Variants in THSD7B observed in about 807,000 individuals in gnomAD.
The protein encoded by THSD7B is thrombospondin type-1 domain-containing protein 7B.
A neutral mutation model predicts 213.6 loss-of-function variants in THSD7B; 138 were observed. The observed-to-expected ratio is 0.65, with a 90% CI of 0.56 to 0.74. The LOEUF (loss-of-function observed/expected upper bound fraction) is 0.74, where lower values mean the gene tolerates loss of function less well. Among genes scored for constraint, THSD7B ranks in the 30% least tolerant of loss-of-function variants. THSD7B has a pLI of 0.00. For missense variants in THSD7B, 1,931 were observed against 1,991.5 expected, an observed-to-expected ratio of 0.97 and a Z score of 0.58; for synonymous variants, 742 against 687.0, an observed-to-expected ratio of 1.08 and a Z score of -1.25.
chr2:137,438,469 C>A (rs1051364851), intron 14 of THSD7B, among the ~76,000 whole-genome samples: 1 of 152,104 alleles, frequency 6.6e-6, no homozygotes, highest in African/African-American at 2.4e-5. Context: ...GTCAGCTGTA[C>A]TGTCTCTGTC....
chr2:137,661,089 T>C (rs1280287789), intron 25 of THSD7B, among the ~76,000 whole-genome samples: 1 of 152,124 alleles, frequency 6.6e-6, no homozygotes, highest in Non-Finnish European at 1.5e-5. Context: ...TAGCTTTAGG[T>C]AAGGAGCCAT....
intron 17 of THSD7B, among the ~76,000 whole-genome samples, chr2:137,602,031 T>A: frequency 6.6e-6 from 1 of 152,238 alleles, no homozygotes; most frequent in East Asian, 1.9e-4. Flanking sequence ...GCCTGCTCCC[T>A]CTCACATTTA....
intron 3 of THSD7B, among the ~76,000 whole-genome samples, chr2:137,078,699 A>G (rs1454761128): frequency 6.6e-6 from 1 of 151,864 alleles, no homozygotes; most frequent in African/African-American, 2.4e-5. Context: ...AAGAAATTTA[A>G]TTCATTTATT....
At chr2:136,803,732 A>C (rs1315314057) in intron 1 of THSD7B, among the ~76,000 whole-genome samples, 1 of 152,200 alleles carries the variant, frequency 6.6e-6, no homozygotes, top group Non-Finnish European at 1.5e-5. Context: ...GCTGAAGAAC[A>C]TGGAAAGCCA....
At chr2:136,956,789 C>T (rs1377421075) in intron 2 of THSD7B, among the ~76,000 whole-genome samples, 2 of 151,734 alleles carry the variant, frequency 1.3e-5, no homozygotes, top group African/African-American at 4.8e-5. Context: ...AAGTGATTCT[C>T]CTGCCTCAGC....
intron 2 of THSD7B, among the ~76,000 whole-genome samples, chr2:137,054,220 G>T (rs1357132261): frequency 6.6e-6 from 1 of 152,234 alleles, no homozygotes; most frequent in African/African-American, 2.4e-5. Context: ...TGGGACAACA[G>T]ACTGGAGGAA....
intron 12 of THSD7B, among the ~76,000 whole-genome samples, chr2:137,330,865 C>A (rs1275932287): frequency 1.3e-5 from 2 of 152,180 alleles, no homozygotes; most frequent in Admixed American, 6.5e-5. Context: ...CCACGTCCTG[C>A]TGATTGGTAG....
intron 1 of THSD7B, among the ~76,000 whole-genome samples, chr2:136,803,635 C>T (rs1471963648): frequency 6.6e-6 from 1 of 152,074 alleles, no homozygotes; most frequent in Non-Finnish European, 1.5e-5. Context: ...ATATATAGAG[C>T]AAGACAGATA....
chr2:137,398,519 G>A (rs61326354), intron 12 of THSD7B, among the ~76,000 whole-genome samples: 84,555 of 150,734 alleles, frequency 0.56, 26,822 homozygotes, highest in East Asian at 0.77. Context: ...CAGTCTACCC[G>A]TTCTCAGATC....
chr2:137,642,765 C>A, intron 21 of THSD7B, 132 bp downstream of exon 21: 1 of 1,084,294 alleles, frequency 9.2e-7, no homozygotes, highest in Non-Finnish European at 1.3e-6. Context: ...TAATGCAATG[C>A]AGAACATGGA....
At chr2:137,209,615 T>C (rs1259839478) in intron 7 of THSD7B, among the ~76,000 whole-genome samples, 1 of 152,100 alleles carries the variant, frequency 6.6e-6, no homozygotes, top group East Asian at 1.9e-4. Context: ...TACTGTTGGA[T>C]TTGGCAAGTG....
intron 12 of THSD7B, among the ~76,000 whole-genome samples, chr2:137,300,903 G>A (rs1487375225): frequency 6.6e-6 from 1 of 152,064 alleles, no homozygotes; most frequent in Non-Finnish European, 1.5e-5. Context: ...CAGAGACATC[G>A]GGGTCATGTG....
intron 7 of THSD7B, among the ~76,000 whole-genome samples, chr2:137,171,790 C>G (rs2104996092): frequency 6.6e-6 from 1 of 152,258 alleles, no homozygotes; most frequent in South Asian, 2.1e-4. Flanking sequence ...ATATATATTG[C>G]AAAGCTTTTC....
chr2:137,123,435 A>G (rs1688577821), intron 5 of THSD7B, among the ~76,000 whole-genome samples: 2 of 152,100 alleles, frequency 1.3e-5, no homozygotes, highest in African/African-American at 2.4e-5. Context: ...AGTGATCACT[A>G]TGTATCTTTG....
intron 1 of THSD7B, among the ~76,000 whole-genome samples, chr2:136,833,748 C>A (rs114256064): frequency 0.011 from 1,613 of 152,246 alleles, 32 homozygotes; most frequent in African/African-American, 0.037. Flanking sequence ...AAGCGTCTTT[C>A]TTTCTCATAT....
At chr2:136,782,706 A>T (rs974862664) in intron 1 of THSD7B, among the ~76,000 whole-genome samples, 1 of 152,202 alleles carries the variant, frequency 6.6e-6, no homozygotes. Context: ...CAGCAAGGTG[A>T]CTATAGTTAG....
intron 21 of THSD7B, among the ~76,000 whole-genome samples, chr2:137,650,945 T>C (rs1331101677): frequency 6.6e-6 from 1 of 152,210 alleles, no homozygotes; most frequent in East Asian, 1.9e-4. Context: ...TGGTGAATGA[T>C]CTTTTTAATG....
intron 27 of THSD7B, among the ~76,000 whole-genome samples, chr2:137,668,604 G>A (rs907371640): frequency 6.6e-6 from 1 of 151,942 alleles, no homozygotes; most frequent in Non-Finnish European, 1.5e-5. Context: ...ATGTGAGGAG[G>A]ACTGGGGTGC....
intron 2 of THSD7B, among the ~76,000 whole-genome samples, chr2:136,894,699 C>T (rs1013582934): frequency 2.0e-5 from 3 of 152,108 alleles, no homozygotes; most frequent in Admixed American, 6.6e-5. Flanking sequence ...ACACGTAGAA[C>T]GTAATGTAGT....
Sources: allele counts gnomAD v4.1 joint callset (sites outside exome capture counted in the v4.1 genomes callset), GRCh38; gene constraint gnomAD v4.1.1; transcripts MANE v1.5; gene names NCBI Gene and HGNC (gene_info 2026-07-23, HGNC 2026-07-21).